The following GABRG2 variants were observed in gnomAD, a reference collection of about 807,000 sequenced individuals.
The protein encoded by GABRG2 is gamma-aminobutyric acid receptor subunit gamma-2.
GABRG2 carries 16 observed loss-of-function variants against 56.4 expected under a neutral mutation model. The observed-to-expected ratio is 0.28, with a 90% CI of 0.19 to 0.43. The LOEUF (loss-of-function observed/expected upper bound fraction) is 0.43, where lower values mean the gene tolerates loss of function less well. Ranked by LOEUF, GABRG2 falls within the 20% of genes least tolerant of loss-of-function variation. The pLI, the probability that GABRG2 is intolerant of heterozygous loss-of-function variation, is 1.00. For missense variants in GABRG2, 327 were observed against 582.7 expected (o/e 0.56, Z 4.52); for synonymous variants, 208 against 205.5 (o/e 1.01, Z -0.10).
intron 7 of GABRG2, 175 bp downstream of exon 7, chr5:162,142,491 A>G (rs2113600185): frequency 1.5e-6 from 1 of 653,334 alleles, no homozygotes; most frequent in Admixed American, 2.2e-5. Context: ...AAAGACTTGG[A>G]ACCAACCCAA....
At chr5:162,125,902 A>G (rs372944696) in intron 6 of GABRG2, among the ~76,000 whole-genome samples, 189 of 152,094 alleles carry the variant, frequency 1.2e-3, no homozygotes, top group African/African-American at 4.0e-3. Flanking sequence ...CTGGAAACAA[A>G]TAAGAGATGT....
intron 5 of GABRG2, chr5:162,102,398 C>A: frequency 2.4e-6 from 1 of 416,902 alleles, no homozygotes; most frequent in Non-Finnish European, 4.8e-6. Flanking sequence ...GATTTCTCTG[C>A]CATCAGGTGG....
At chr5:162,077,072 CCTGTGTGTGT>C (rs1202514259) in intron 1 of GABRG2, among the ~76,000 whole-genome samples, 92 of 83,324 alleles carry the variant, frequency 1.1e-3, no homozygotes, top group African/African-American at 4.1e-3. Context: ...AACAACTACC[CCTGTGTGTGT>C]GTGTGTGTGT....
chr5:162,114,525 C>T (rs1481409164), intron 6 of GABRG2, among the ~76,000 whole-genome samples: 2 of 151,702 alleles, frequency 1.3e-5, no homozygotes, highest in East Asian at 1.9e-4. Flanking sequence ...GCAACAAGAG[C>T]GAAATTCTGT....
At chr5:162,070,111 C>G (rs773191051) in intron 1 of GABRG2, among the ~76,000 whole-genome samples, 13 of 152,196 alleles carry the variant, frequency 8.5e-5, no homozygotes, top group Non-Finnish European at 1.5e-4. Context: ...ACAGCCCCAC[C>G]TTTTCCATTT....
At chr5:162,150,153 G>A (rs1473262835) in intron 8 of GABRG2, 1 of 154,378 alleles carries the variant, frequency 6.5e-6, no homozygotes, top group Non-Finnish European at 1.4e-5. Flanking sequence ...AAGTTAGTTA[G>A]CCTCCTTGTG....
intron 1 of GABRG2, among the ~76,000 whole-genome samples, chr5:162,089,657 T>C (rs1442332779): frequency 6.6e-6 from 1 of 151,994 alleles, no homozygotes; most frequent in Non-Finnish European, 1.5e-5. Context: ...AAAACACAAA[T>C]AATTAATTTT....
At chr5:162,094,054 G>A in intron 2 of GABRG2, 75 bp downstream of exon 2, 10 of 1,483,046 alleles carry the variant, frequency 6.7e-6, no homozygotes, top group Non-Finnish European at 9.4e-6. Context: ...TAAAACATCA[G>A]TGTAGTTCAA....
rs188286523 is a variant in GABRG2 at position 162,104,394 on chromosome 5, G to T, written c.769+368G>T. On this transcript the variant is annotated intron_variant, in intron 6 of 9. Coordinates refer to ENST00000639213, the MANE Select transcript of GABRG2 (RefSeq NM_198904.4). Reference sequence around the variant, plus strand: ...CAGGAAGAGTGAATTTTTTACAAATGCAGAAAAGTAAGCATAGTGGATATG... The same window carrying T: ...CAGGAAGAGTGAATTTTTTACAAATTCAGAAAAGTAAGCATAGTGGATATG... Among the ~76,000 whole-genome samples the T allele has an allele frequency of 2.0e-5, 3 of 152,216 alleles. No homozygotes were observed. The East Asian group carries it at 5.8e-4, about 29-fold the overall frequency.
At chr5:162,152,918 T>C in intron 9 of GABRG2, 175 bp from the exon 10 acceptor site, 1 of 758,152 alleles carries the variant, frequency 1.3e-6, no homozygotes, top group Middle Eastern at 3.8e-4. Context: ...ATTTGAAATC[T>C]GCAAATGTGC....
intron 6 of GABRG2, among the ~76,000 whole-genome samples, chr5:162,116,290 A>G (rs569306782): frequency 3.9e-5 from 6 of 151,952 alleles, no homozygotes; most frequent in African/African-American, 7.2e-5. Flanking sequence ...CTGATTGCAT[A>G]TAAGTATGGT....
intron 8 of GABRG2, chr5:162,150,902 A>G (rs1477320604): frequency 1.3e-5 from 2 of 152,144 alleles, no homozygotes; most frequent in Non-Finnish European, 2.9e-5. Context: ...CCTCTCTCTG[A>G]CTTTCCATTT....
At chr5:162,090,640 AAAAT>A (rs1389242925) in intron 1 of GABRG2, among the ~76,000 whole-genome samples, 1 of 152,152 alleles carries the variant, frequency 6.6e-6, no homozygotes, top group African/African-American at 2.4e-5. Context: ...TCAGATGACA[AAAAT>A]GTTTTTATTA....
chr5:162,151,577 CT>C (rs1581459124), intron 8 of GABRG2, 152 bp from the exon 9 acceptor site: 1 of 638,312 alleles, frequency 1.6e-6, no homozygotes. Context: ...AAGCTCAGAA[CT>C]CTCCTTCTGT....
At chr5:162,149,438 G>C in intron 8 of GABRG2, 125 bp downstream of exon 8, 1 of 833,886 alleles carries the variant, frequency 1.2e-6, no homozygotes, top group South Asian at 1.4e-5. Context: ...GCATGTATGA[G>C]TTTAGCCAGG....
chr5:162,079,152 C>A (rs1759441579), intron 1 of GABRG2, among the ~76,000 whole-genome samples: 1 of 152,006 alleles, frequency 6.6e-6, no homozygotes, highest in African/African-American at 2.4e-5. Context: ...GGTCAACAGG[C>A]CATTTACAGT....
At chr5:162,080,530 C>A (rs564526649) in intron 1 of GABRG2, among the ~76,000 whole-genome samples, 1 of 152,112 alleles carries the variant, frequency 6.6e-6, no homozygotes, top group Non-Finnish European at 1.5e-5. Context: ...AGGGGAAGAA[C>A]TTGGGAGGCA....
At chr5:162,079,584 T>C (rs1759482823) in intron 1 of GABRG2, among the ~76,000 whole-genome samples, 1 of 151,928 alleles carries the variant, frequency 6.6e-6, no homozygotes, top group African/African-American at 2.4e-5. Flanking sequence ...CTTGCTCTTG[T>C]AAAGCCTATA....
intron 7 of GABRG2, among the ~76,000 whole-genome samples, chr5:162,144,743 G>A (rs1764832462): frequency 2.6e-5 from 4 of 152,168 alleles, no homozygotes; most frequent in Admixed American, 2.6e-4. Flanking sequence ...CTGGGTAGGA[G>A]GCCTTGGTGA....
Sources: allele counts gnomAD v4.1 joint callset (sites outside exome capture counted in the v4.1 genomes callset), GRCh38; gene constraint gnomAD v4.1.1; transcripts MANE v1.5; gene names NCBI Gene and HGNC (gene_info 2026-07-23, HGNC 2026-07-21).